Variants in LRMDA observed in about 807,000 individuals in gnomAD.
The protein encoded by LRMDA is leucine rich melanocyte differentiation associated, also known as leucine-rich melanocyte differentiation-associated protein.
LRMDA carries 18 observed loss-of-function variants against 29.8 expected under a neutral mutation model. The observed-to-expected ratio is 0.60, with a 90% confidence interval of 0.42 to 0.90. The LOEUF (loss-of-function observed/expected upper bound fraction) is 0.90, where lower values mean the gene tolerates loss of function less well. Among genes scored for constraint, LRMDA ranks in the 40% least tolerant of loss-of-function variants. LRMDA has a pLI of 0.00. For missense variants in LRMDA, 273 were observed against 273.9 expected (o/e 1.00, Z 0.02); for synonymous variants, 125 against 109.4 (o/e 1.14, Z -0.89).
At chr10:75,682,211 C>T (rs559685049) in intron 2 of LRMDA, among the ~76,000 whole-genome samples, 7 of 152,316 alleles carry the variant, frequency 4.6e-5, no homozygotes, top group East Asian at 1.9e-4. Flanking sequence ...TAACTGTGAA[C>T]GCTTTGAGAG....
chr10:75,640,560 C>T (rs1014443611), intron 2 of LRMDA, among the ~76,000 whole-genome samples: 1 of 152,110 alleles, frequency 6.6e-6, no homozygotes, highest in African/African-American at 2.4e-5. Context: ...CACGTGTAAT[C>T]GAATTATGCA....
At chr10:75,850,215 C>A (rs940337719) in intron 2 of LRMDA, among the ~76,000 whole-genome samples, 2 of 152,190 alleles carry the variant, frequency 1.3e-5, no homozygotes, top group Admixed American at 1.3e-4. Flanking sequence ...GAAAAGCGGT[C>A]TCTCAATTGG....
At chr10:75,751,143 G>C (rs1013076180) in intron 2 of LRMDA, among the ~76,000 whole-genome samples, 1 of 152,204 alleles carries the variant, frequency 6.6e-6, no homozygotes, top group Non-Finnish European at 1.5e-5. Flanking sequence ...GTGAAACCCC[G>C]TCTCCACCAA....
chr10:75,801,839 G>A (rs1027654514), intron 2 of LRMDA, among the ~76,000 whole-genome samples: 2 of 152,228 alleles, frequency 1.3e-5, no homozygotes, highest in Non-Finnish European at 2.9e-5. Flanking sequence ...GAAGCAGGTA[G>A]ACCAGTTAGG....
chr10:75,601,503 C>A (rs993927797), intron 2 of LRMDA, among the ~76,000 whole-genome samples: 1 of 151,962 alleles, frequency 6.6e-6, no homozygotes, highest in Non-Finnish European at 1.5e-5. Context: ...CCTGCCTTCC[C>A]CAGGGAAAAG....
intron 2 of LRMDA, among the ~76,000 whole-genome samples, chr10:75,925,330 A>G (rs1846102272): frequency 6.6e-6 from 1 of 152,092 alleles, no homozygotes; most frequent in Non-Finnish European, 1.5e-5. Context: ...GAACATTTTT[A>G]TATCAGGCCT....
intron 5 of LRMDA, among the ~76,000 whole-genome samples, chr10:76,181,015 A>G (rs781236292): frequency 2.6e-4 from 40 of 152,198 alleles, no homozygotes; most frequent in African/African-American, 6.7e-4. Context: ...CCTAGTTGCT[A>G]TAAGAGTGCC....
At chr10:76,105,374 A>C (rs1369541742) in intron 5 of LRMDA, among the ~76,000 whole-genome samples, 1 of 151,302 alleles carries the variant, frequency 6.6e-6, no homozygotes, top group Non-Finnish European at 1.5e-5. Flanking sequence ...CTTCCACCCC[A>C]GAAGATATGG....
intron 2 of LRMDA, among the ~76,000 whole-genome samples, chr10:75,909,842 T>C (rs552972813): frequency 1.3e-5 from 2 of 152,320 alleles, no homozygotes; most frequent in Admixed American, 6.5e-5. Flanking sequence ...TACAAACATA[T>C]CACATCATAT....
intron 5 of LRMDA, among the ~76,000 whole-genome samples, chr10:76,249,856 G>A (rs542773620): frequency 6.6e-6 from 1 of 152,310 alleles, no homozygotes; most frequent in African/African-American, 2.4e-5. Flanking sequence ...AGGCTGGAGT[G>A]CAATGGCATG....
chr10:76,334,217 C>T (rs1422324067), intron 6 of LRMDA, among the ~76,000 whole-genome samples: 3 of 152,210 alleles, frequency 2.0e-5, no homozygotes, highest in Non-Finnish European at 2.9e-5. Context: ...GAAGCCAATG[C>T]TTTTGGTCTA....
At chr10:76,371,448 A>G (rs1299953594) in intron 6 of LRMDA, among the ~76,000 whole-genome samples, 1 of 151,986 alleles carries the variant, frequency 6.6e-6, no homozygotes, top group East Asian at 1.9e-4. Flanking sequence ...CTGTGAATCT[A>G]CTTGCAGGGC....
intron 6 of LRMDA, among the ~76,000 whole-genome samples, chr10:76,431,453 T>A (rs1377200353): frequency 6.6e-6 from 1 of 152,196 alleles, no homozygotes; most frequent in Non-Finnish European, 1.5e-5. Flanking sequence ...TAAGTTCAAA[T>A]CACTTCTCTA....
chr10:76,319,527 GT>G (rs1050418475), intron 5 of LRMDA, among the ~76,000 whole-genome samples: 2 of 151,498 alleles, frequency 1.3e-5, no homozygotes, highest in Non-Finnish European at 2.9e-5. Flanking sequence ...ATCATAGTAT[GT>G]TTTTTTTTAT....
chr10:75,804,065 G>C (rs1266488154), intron 2 of LRMDA, among the ~76,000 whole-genome samples: 1 of 152,190 alleles, frequency 6.6e-6, no homozygotes, highest in African/African-American at 2.4e-5. Flanking sequence ...TTTCCATTGA[G>C]TGAGGTAGTT....
intron 6 of LRMDA, among the ~76,000 whole-genome samples, chr10:76,529,509 T>C (rs1843212138): frequency 6.6e-6 from 1 of 152,120 alleles, no homozygotes; most frequent in South Asian, 2.1e-4. Flanking sequence ...TCCATGACAT[T>C]TGTTCTCAAT....
chr10:76,253,431 A>G (rs973333765), intron 5 of LRMDA, among the ~76,000 whole-genome samples: 1 of 152,028 alleles, frequency 6.6e-6, no homozygotes, highest in Non-Finnish European at 1.5e-5. Context: ...GGTCTCACTG[A>G]TCTACCAGCT....
At chr10:75,732,842 C>G (rs1263788338) in intron 2 of LRMDA, among the ~76,000 whole-genome samples, 1 of 152,176 alleles carries the variant, frequency 6.6e-6, no homozygotes, top group Non-Finnish European at 1.5e-5. Context: ...CTCCTGGGCC[C>G]TGAGGACTTC....
At chr10:76,269,655 C>T (rs1040567162) in intron 5 of LRMDA, among the ~76,000 whole-genome samples, 4 of 152,114 alleles carry the variant, frequency 2.6e-5, no homozygotes, top group Admixed American at 6.5e-5. Flanking sequence ...ATACTTTTCA[C>T]GATATATGGT....
Sources: gnomAD v4.1 joint callset for allele counts (sites outside exome capture counted in the v4.1 genomes callset) on GRCh38, gnomAD v4.1.1 for gene constraint, MANE v1.5 for transcripts, NCBI Gene and HGNC (gene_info 2026-07-23, HGNC 2026-07-21) for gene names.